The following KCNIP1 variants were observed in gnomAD, a reference collection of about 807,000 sequenced individuals.
KCNIP1 encodes the protein potassium voltage-gated channel interacting protein 1, also known as A-type potassium channel modulatory protein KCNIP1.
A neutral mutation model predicts 33.0 loss-of-function variants in KCNIP1; 18 were observed. The observed-to-expected ratio is 0.55, with a 90% CI of 0.38 to 0.81. The LOEUF is 0.81. KCNIP1 is among the 30% of genes least tolerant of loss of function. KCNIP1 has a pLI of 0.00. For synonymous variants in KCNIP1, 93 were observed against 98.3 expected, an observed-to-expected ratio of 0.95 and a Z score of 0.32; for missense variants, 238 against 271.6, an observed-to-expected ratio of 0.88 and a Z score of 0.87.
intron 1 of KCNIP1, chr5:170,385,301 G>A (rs749234236): frequency 2.5e-6 from 4 of 1,613,904 alleles, no homozygotes; most frequent in East Asian, 4.5e-5. Flanking sequence ...GGCAGGCCGG[G>A]AGAGCTCAGT....
chr5:170,572,564 A>G (rs574973394), intron 1 of KCNIP1, among the ~76,000 whole-genome samples: 72 of 152,354 alleles, frequency 4.7e-4, no homozygotes, highest in African/African-American at 1.7e-3. Flanking sequence ...TCACTCGCAC[A>G]TTGTTCCTGT....
intron 4 of KCNIP1, among the ~76,000 whole-genome samples, chr5:170,722,341 G>A (rs1414308898): frequency 6.6e-6 from 1 of 152,130 alleles, no homozygotes; most frequent in African/African-American, 2.4e-5. Context: ...TTTGAATGTA[G>A]GCAGAATGAC....
rs769281133 is a variant in KCNIP1, at chr5:170,732,913, A to G, written c.540+9A>G. ...TGGACGTCTTCTTCCAGGTAAGTGC[A>G]CACACCCTGCACATGAGCTGTAAGC... On this transcript the variant is annotated intron_variant, in intron 6 of 7. Transcript: ENST00000328939. The G allele has an allele frequency of 1.9e-6, 3 of 1,553,558 alleles. No homozygotes were observed. The East Asian group carries it at 6.7e-5, about 35-fold the overall frequency.
intron 1 of KCNIP1, among the ~76,000 whole-genome samples, chr5:170,627,967 C>G (rs1379147190): frequency 6.6e-6 from 1 of 152,162 alleles, no homozygotes; most frequent in Non-Finnish European, 1.5e-5. Flanking sequence ...ATGCCTTCAT[C>G]CCCCAGCGCC....
chr5:170,529,058 T>C (rs1051581411), intron 1 of KCNIP1, among the ~76,000 whole-genome samples: 2 of 152,136 alleles, frequency 1.3e-5, no homozygotes, highest in Admixed American at 6.5e-5. Context: ...GAAAACCAAC[T>C]CTTCCTGTTT....
intron 6 of KCNIP1, 144 bp from the exon 7 acceptor site, chr5:170,733,692 C>T (rs1209369820): frequency 3.1e-6 from 2 of 650,726 alleles, no homozygotes; most frequent in Non-Finnish European, 5.4e-6. Context: ...AAAGACAACT[C>T]TCATTCTCAG....
chr5:170,548,196 T>A (rs900084570), intron 1 of KCNIP1, among the ~76,000 whole-genome samples: 1 of 152,230 alleles, frequency 6.6e-6, no homozygotes, highest in Non-Finnish European at 1.5e-5. Flanking sequence ...ATTTTTATAG[T>A]GTCTTATTAC....
intron 1 of KCNIP1, among the ~76,000 whole-genome samples, chr5:170,598,299 C>T (rs1206602428): frequency 6.6e-6 from 1 of 152,128 alleles, no homozygotes; most frequent in African/African-American, 2.4e-5. Flanking sequence ...TCTGATAGAT[C>T]ACCAGTGGGA....
intron 1 of KCNIP1, among the ~76,000 whole-genome samples, chr5:170,507,746 A>C (rs569847953): frequency 6.6e-6 from 1 of 152,382 alleles, no homozygotes; most frequent in African/African-American, 2.4e-5. Flanking sequence ...TATCCAGCCC[A>C]ACCTGGGTGT....
At chr5:170,553,390 T>C (rs1056234211) in intron 1 of KCNIP1, among the ~76,000 whole-genome samples, 1 of 152,234 alleles carries the variant, frequency 6.6e-6, no homozygotes, top group South Asian at 2.1e-4. Flanking sequence ...CTATCATTAT[T>C]CCCATTTCAT....
rs1018093905 is a variant in KCNIP1 at position 170,736,016 on chromosome 5, T to C, written c.*210T>C. 1 of 562,702 alleles carries C rather than the reference T, an allele frequency of 1.8e-6. No homozygotes were observed. The highest frequency in any genetic ancestry group is 3.2e-6 in the Non-Finnish European group (1 of 316,844). 34.9% of individuals were successfully genotyped at this position (562,702 alleles called of 1,614,324 possible). A position where few individuals can be genotyped will look rare whatever the true frequency, so the allele number is the denominator to read the frequency against. On this transcript the variant is annotated 3_prime_UTR_variant, in exon 8 of 8. Coordinates refer to ENST00000328939, the MANE Select transcript of KCNIP1 (RefSeq NM_014592.4). ...TGCCAACTCTTCCTCTTTCTTCTTC[T>C]TGAGAGAGACAAGATGAAATTTGAG...
intron 1 of KCNIP1, among the ~76,000 whole-genome samples, chr5:170,369,960 G>A (rs899748906): frequency 1.7e-4 from 26 of 152,134 alleles, no homozygotes; most frequent in Admixed American, 7.2e-4. Context: ...GCAGAAATAC[G>A]GCCTCTGTGG....
At chr5:170,558,376 A>G (rs927549733) in intron 1 of KCNIP1, among the ~76,000 whole-genome samples, 9 of 152,266 alleles carry the variant, frequency 5.9e-5, no homozygotes, top group Non-Finnish European at 1.2e-4. Context: ...AGTCTCCAAA[A>G]GTAAATAATT....
chr5:170,649,647 T>G (rs1760951864), intron 1 of KCNIP1, among the ~76,000 whole-genome samples: 1 of 151,752 alleles, frequency 6.6e-6, no homozygotes, highest in African/African-American at 2.4e-5. Context: ...ATTCATCTAC[T>G]CAGCCTGAGC....
chr5:170,729,054 T>A (rs1016182116), intron 5 of KCNIP1, among the ~76,000 whole-genome samples: 4 of 152,076 alleles, frequency 2.6e-5, no homozygotes, highest in Non-Finnish European at 5.9e-5. Context: ...AAATGATTCT[T>A]GGAAAACTGG....
At chr5:170,620,389 A>C (rs1476120916) in intron 1 of KCNIP1, among the ~76,000 whole-genome samples, 2 of 152,220 alleles carry the variant, frequency 1.3e-5, no homozygotes, top group Admixed American at 1.3e-4. Flanking sequence ...ATAAGATTTA[A>C]GCTCAGAAAT....
At chr5:170,633,165 G>A (rs1416602038) in intron 1 of KCNIP1, among the ~76,000 whole-genome samples, 1 of 152,172 alleles carries the variant, frequency 6.6e-6, no homozygotes. Context: ...GAGGCGGCCA[G>A]GGGCTTGGGC....
intron 1 of KCNIP1, among the ~76,000 whole-genome samples, chr5:170,370,385 G>T (rs1372813715): frequency 6.6e-6 from 1 of 152,156 alleles, no homozygotes; most frequent in African/African-American, 2.4e-5. Context: ...TGAGATTCAG[G>T]AAGATTAAAT....
chr5:170,666,172 T>A (rs1160585694), intron 1 of KCNIP1, among the ~76,000 whole-genome samples: 1 of 152,252 alleles, frequency 6.6e-6, no homozygotes, highest in Non-Finnish European at 1.5e-5. Flanking sequence ...TTTATATTAA[T>A]ATGAGCTCAT....
Sources: allele counts gnomAD v4.1 joint callset (sites outside exome capture counted in the v4.1 genomes callset), GRCh38; gene constraint gnomAD v4.1.1; transcripts MANE v1.5; gene names NCBI Gene and HGNC (gene_info 2026-07-23, HGNC 2026-07-21).